The following CYP39A1 variants were observed in gnomAD, a reference collection of about 807,000 sequenced individuals.
The protein encoded by CYP39A1 is cytochrome P450 family 39 subfamily A member 1.
In CYP39A1, 49 loss-of-function variants were observed where a neutral mutation model predicts 58.1. The ratio of observed to expected loss-of-function variants is 0.84; its 90% CI spans 0.67 to 1.07. The LOEUF is 1.07. Ranked by LOEUF, CYP39A1 falls within the 50% of genes least tolerant of loss-of-function variation. The pLI, the probability that CYP39A1 is intolerant of heterozygous loss-of-function variation, is 0.00. For missense variants in CYP39A1, 531 were observed against 539.4 expected, an observed-to-expected ratio of 0.98 and a Z score of 0.16; for synonymous variants, 209 against 187.6, an observed-to-expected ratio of 1.11 and a Z score of -0.93.
At position 46,587,152 on chromosome 6, in the gene CYP39A1, T is replaced by C; in HGVS notation, c.1175A>G (p.Lys392Arg). Residue 392 changes from lysine to arginine, a missense_variant, in exon 10 of 12, where the codon AAG (lysine) becomes AGG (arginine). Physicochemically the swap from Lys to Arg is conservative, Grantham distance 26 (BLOSUM62 2). Coordinates refer to ENST00000275016, the MANE Select transcript of CYP39A1 (RefSeq NM_016593.5). ...GAAAGAGTGCTTCTCTAAATTTGCC[T>C]TTTTCCAACGTTCCTGTGGGAAGAA... The part of the protein sequence containing the change: ...PELFKPERWK[K>R]ANLEKHSFLD... 6.2e-7 allele frequency: 1 copy of C among 1,609,060 alleles called. No homozygotes were observed. Among genetic ancestry groups the C allele is most frequent in the Non-Finnish European group, 8.5e-7 (1 of 1,177,086 alleles).
chr6:46,634,116 G>A (rs541714822), intron 5 of CYP39A1, among the ~76,000 whole-genome samples: 2 of 152,298 alleles, frequency 1.3e-5, no homozygotes, highest in East Asian at 3.9e-4. Context: ...ACATGTTGTG[G>A]TAGGGATCCA....
intron 7 of CYP39A1, among the ~76,000 whole-genome samples, chr6:46,600,066 G>T (rs1048028473): frequency 5.3e-5 from 8 of 151,970 alleles, no homozygotes; most frequent in African/African-American, 1.9e-4. Flanking sequence ...GAATGATAGG[G>T]GAGAGAGGAG....
rs553039965 is a variant in CYP39A1 at position 46,649,584 on chromosome 6, C to T, written c.177+2822G>A. 2.2e-4 allele frequency among the ~76,000 whole-genome samples: 33 copies of T among 152,270 alleles called. No individual in the cohort carries two copies. In the South Asian group the frequency reaches 3.3e-3, roughly 15 times the overall value. On this transcript the variant is annotated intron_variant, in intron 1 of 11. Transcript: ENST00000275016. ...CTAATATGTAAAGAGTAAATCCCTA[C>T]TGACATAGGAACAGTGTGAATAATA...
At chr6:46,637,298 C>T (rs574436173) in intron 4 of CYP39A1, among the ~76,000 whole-genome samples, 63 of 152,194 alleles carry the variant, frequency 4.1e-4, no homozygotes, top group Non-Finnish European at 7.5e-4. Flanking sequence ...TGTTTATAAG[C>T]CTCCCAGTCT....
chr6:46,567,757 C>A (rs139424049), intron 10 of CYP39A1, among the ~76,000 whole-genome samples: 4 of 152,260 alleles, frequency 2.6e-5, no homozygotes, highest in African/African-American at 9.6e-5. Flanking sequence ...TCAGGGCACA[C>A]ACACAGACTA....
intron 7 of CYP39A1, among the ~76,000 whole-genome samples, chr6:46,615,498 A>G (rs1774478147): frequency 6.6e-6 from 1 of 152,116 alleles, no homozygotes; most frequent in Admixed American, 6.5e-5. Context: ...AAAACAGTGC[A>G]ATAATTAACT....
intron 8 of CYP39A1, among the ~76,000 whole-genome samples, chr6:46,589,466 AAT>A (rs1387620780): frequency 6.6e-6 from 1 of 151,994 alleles, no homozygotes; most frequent in Non-Finnish European, 1.5e-5. Flanking sequence ...GAAAAATAAA[AAT>A]ATGTCTTTTA....
intron 10 of CYP39A1, among the ~76,000 whole-genome samples, chr6:46,557,852 C>T (rs2150480011): frequency 7.0e-6 from 1 of 141,868 alleles, no homozygotes; most frequent in African/African-American, 2.7e-5. Flanking sequence ...CAGAGAATTG[C>T]TTGAACTCCG....
At chr6:46,604,421 C>T (rs1273237390) in intron 7 of CYP39A1, among the ~76,000 whole-genome samples, 2 of 152,160 alleles carry the variant, frequency 1.3e-5, no homozygotes, top group Non-Finnish European at 2.9e-5. Flanking sequence ...TTAGATAACA[C>T]ATGGAACCTA....
At chr6:46,610,403 A>G (rs924189851) in intron 7 of CYP39A1, among the ~76,000 whole-genome samples, 1 of 152,044 alleles carries the variant, frequency 6.6e-6, no homozygotes, top group African/African-American at 2.4e-5. Flanking sequence ...GTGCAGTGGC[A>G]CTATCATAAA....
intron 10 of CYP39A1, among the ~76,000 whole-genome samples, chr6:46,561,452 C>T (rs1397651024): frequency 2.0e-5 from 3 of 152,044 alleles, no homozygotes; most frequent in African/African-American, 7.2e-5. Context: ...GAAGAAGGTA[C>T]ACTTGGCAGA....
rs1770863336 is a variant in CYP39A1 at position 46,559,660 on chromosome 6, G to C, written c.1251-5806C>G. Among the ~76,000 whole-genome samples, 5 of 152,292 alleles carry C rather than the reference G, an allele frequency of 3.3e-5. No individual in the cohort carries two copies. In the South Asian group the frequency reaches 1.0e-3, roughly 32 times the overall value. ...AAAGCAGCATCTCATTTTCAGTGCT[G>C]TGGGTGGTAGCACGTGGAGGAGCTG... is the stretch of plus-strand genomic sequence containing the variant. On this transcript the variant is annotated intron_variant, in intron 10 of 11. Coordinates refer to ENST00000275016, the MANE Select transcript of CYP39A1 (RefSeq NM_016593.5).
At chr6:46,625,003 C>T in intron 7 of CYP39A1, among the ~76,000 whole-genome samples, 1 of 152,076 alleles carries the variant, frequency 6.6e-6, no homozygotes, top group Non-Finnish European at 1.5e-5. Context: ...TACCTGACCT[C>T]TACAGTCCTA....
rs768869440 is a variant in CYP39A1 at position 46,588,066 on chromosome 6, T to C, written c.1129A>G (p.Lys377Glu). 6.3e-7 allele frequency: 1 copy of C among 1,590,358 alleles called. No individual in the cohort carries two copies. Among genetic ancestry groups the C allele is most frequent in the Middle Eastern group, 1.7e-4 (1 of 6,000 alleles). ...LSPFWLHRNP[K>E]YFPEPELFKP... ...AACAATTCAGGCTCAGGAAAATACT[T>C]TGGATTTCTATGCAGCCAAAATGGA... The change falls in exon 9 of 12, where the codon AAG (lysine) becomes GAG (glutamate). Residue 377 changes from lysine (K) to glutamate (E), a missense_variant. Transcript: ENST00000275016.
chr6:46,559,593 G>C (rs375859364), intron 10 of CYP39A1, among the ~76,000 whole-genome samples: 5 of 152,354 alleles, frequency 3.3e-5, no homozygotes, highest in African/African-American at 1.2e-4. Context: ...CAGGAAGCAT[G>C]AGTAGCCTCA....
At chr6:46,570,301 T>C (rs1771514561) in intron 10 of CYP39A1, among the ~76,000 whole-genome samples, 1 of 152,188 alleles carries the variant, frequency 6.6e-6, no homozygotes, top group Non-Finnish European at 1.5e-5. Flanking sequence ...GTTGACTTTT[T>C]AAATTGTTTT....
At chr6:46,550,974 C>T (rs539100536) in intron 11 of CYP39A1, among the ~76,000 whole-genome samples, 2 of 151,982 alleles carry the variant, frequency 1.3e-5, no homozygotes, top group South Asian at 2.1e-4. Flanking sequence ...TTTTTTCGCC[C>T]GAGTTAGAAA....
intron 10 of CYP39A1, chr6:46,586,300 TAC>T (rs1772469454): frequency 1.0e-6 from 1 of 982,570 alleles, no homozygotes; most frequent in Admixed American, 6.2e-5. Context: ...AATGGATTTC[TAC>T]ATTTATTGAG....
At chr6:46,569,281 G>A (rs895703846) in intron 10 of CYP39A1, among the ~76,000 whole-genome samples, 1 of 151,904 alleles carries the variant, frequency 6.6e-6, no homozygotes, top group African/African-American at 2.4e-5. Flanking sequence ...TGTTTTGGGG[G>A]CAGTGGATTG....
Sources: allele counts gnomAD v4.1 joint callset (sites outside exome capture counted in the v4.1 genomes callset), GRCh38; gene constraint gnomAD v4.1.1; transcripts MANE v1.5; gene names NCBI Gene and HGNC (gene_info 2026-07-23, HGNC 2026-07-21).